BARX2: variants seen among roughly 807,000 people sequenced by gnomAD.
BARX2 encodes the protein BARX homeobox 2.
A neutral mutation model predicts 25.5 loss-of-function variants in BARX2; 11 were observed. That is an observed-to-expected ratio of 0.43 (90% CI 0.27 to 0.71). BARX2 has a LOEUF of 0.71. Ranked by LOEUF, BARX2 falls within the 30% of genes least tolerant of loss-of-function variation. The pLI is 0.19. For missense variants in BARX2, 360 were observed against 359.9 expected (o/e 1.00, Z 0.00); for synonymous variants, 137 against 149.5 (o/e 0.92, Z 0.61).
At chr11:129,406,978 C>T (rs918270796) in intron 1 of BARX2, among the ~76,000 whole-genome samples, 1 of 152,206 alleles carries the variant, frequency 6.6e-6, no homozygotes, top group African/African-American at 2.4e-5. Context: ...ATTAATAAAG[C>T]TGACAGTGGT....
chr11:129,409,435 C>T (rs1412146658), intron 1 of BARX2, among the ~76,000 whole-genome samples: 1 of 152,052 alleles, frequency 6.6e-6, no homozygotes, highest in Non-Finnish European at 1.5e-5. Context: ...CACATTCCCC[C>T]CACCCTCCAG....
At chr11:129,416,242 G>A (rs954219730) in intron 1 of BARX2, among the ~76,000 whole-genome samples, 27 of 152,180 alleles carry the variant, frequency 1.8e-4, no homozygotes, top group African/African-American at 6.0e-4. Context: ...TTTGGGAATC[G>A]TGTCGTAGAT....
Position 129,376,104 on chromosome 11 carries a change from G to A in BARX2, c.69G>A (p.Lys23=). 1 of 1,613,048 alleles carries A rather than the reference G, an allele frequency of 6.2e-7. No homozygotes were observed. The highest frequency in any genetic ancestry group is 1.1e-5 in the South Asian group (1 of 90,966). The change falls in exon 1 of 4, where the codon AAG becomes AAA. Residue 23 remains lysine, a synonymous_variant. Coordinates refer to ENST00000281437, the MANE Select transcript of BARX2 (RefSeq NM_003658.5). The surrounding 1 kb of genome is among the most constrained non-coding windows in gnomAD (Gnocchi z 4.2). ...GQLKAARRRY[K]TFMIDEILSK... is the part of the protein sequence containing the mutation. ...TCAAAGCAGCCAGGCGGCGCTACAA[G>A]ACTTTCATGATCGACGAGATCCTCT...
At chr11:129,425,372 A>C (rs1862050804) in intron 1 of BARX2, among the ~76,000 whole-genome samples, 1 of 152,196 alleles carries the variant, frequency 6.6e-6, no homozygotes, top group African/African-American at 2.4e-5. Context: ...TTTGTACTAA[A>C]CAGCAGCTGT....
chr11:129,443,371 G>T (rs1027372192), intron 3 of BARX2, among the ~76,000 whole-genome samples: 14 of 152,038 alleles, frequency 9.2e-5, no homozygotes, highest in Non-Finnish European at 7.4e-5. Context: ...CCCACCAAGA[G>T]CTAAAAATAG....
At chr11:129,427,669 G>A (rs1321749314) in intron 1 of BARX2, among the ~76,000 whole-genome samples, 1 of 152,180 alleles carries the variant, frequency 6.6e-6, no homozygotes, top group Non-Finnish European at 1.5e-5. Flanking sequence ...AAGAATAGAA[G>A]AGAAGCCCAC....
At chr11:129,375,770 C>T (rs551218593), upstream of BARX2, among the ~76,000 whole-genome samples, 6 of 152,190 alleles carry the variant, frequency 3.9e-5, no homozygotes, top group East Asian at 1.2e-3. The surrounding 1 kb of genome is among the most constrained non-coding windows in gnomAD (Gnocchi z 4.0). Context: ...AGCACACACT[C>T]CGCACCCGGC....
In BARX2 at chr11:129,436,484, G is replaced by A; in HGVS notation, c.188-267G>A. 1 of 390,702 alleles carries A rather than the reference G, an allele frequency of 2.6e-6. No individual in the cohort carries two copies. The highest frequency in any genetic ancestry group is 4.5e-6 in the Non-Finnish European group (1 of 221,392). The allele number at this position is 390,702 out of a possible 1,614,324, so 24.2% of individuals were successfully genotyped here. A position where few individuals can be genotyped will look rare whatever the true frequency, so the allele number is the denominator to read the frequency against. On this transcript the variant is annotated intron_variant, in intron 1 of 3. Transcript: ENST00000281437. The surrounding 1 kb of genome is among the most constrained non-coding windows in gnomAD (Gnocchi z 4.5). ...ATTTAGGGATTCCGAAGGGAGAGAG[G>A]GGAAAGATCTGCTTAAAACCAGAGG... is the stretch of plus-strand genomic sequence containing the variant.
At chr11:129,422,707 T>C (rs111237970) in intron 1 of BARX2, among the ~76,000 whole-genome samples, 615 of 34,336 alleles carry the variant, frequency 0.018, 3 homozygotes, top group African/African-American at 0.066. Flanking sequence ...TTTATTCTCT[T>C]TTTTTTTTTT....
At chr11:129,438,965 C>T (rs575152533) in intron 2 of BARX2, among the ~76,000 whole-genome samples, 6 of 152,072 alleles carry the variant, frequency 3.9e-5, no homozygotes, top group Middle Eastern at 6.8e-3. Context: ...CGTGTCTCGC[C>T]GGGTATGTGG....
At chr11:129,438,323 A>C (rs1862217445) in intron 2 of BARX2, 2 of 70,838 alleles carry the variant, frequency 2.8e-5, no homozygotes, top group Admixed American at 2.4e-4. Flanking sequence ...CTCAGTCTCA[A>C]AAAAAAAAAA....
intron 1 of BARX2, among the ~76,000 whole-genome samples, chr11:129,410,985 TAGAC>T (rs1173600379): frequency 6.6e-6 from 1 of 152,210 alleles, no homozygotes; most frequent in Non-Finnish European, 1.5e-5. Flanking sequence ...AGTACATTCT[TAGAC>T]AGGCTTGAAA....
chr11:129,442,644 A>C, intron 2 of BARX2, 191 bp from the exon 3 acceptor site: 1 of 635,132 alleles, frequency 1.6e-6, no homozygotes, highest in South Asian at 1.6e-5. Context: ...TCTGTTTCTC[A>C]GCTTCCCAGA....
chr11:129,408,476 C>T (rs910350472), intron 1 of BARX2, among the ~76,000 whole-genome samples: 7 of 152,302 alleles, frequency 4.6e-5, no homozygotes, highest in Middle Eastern at 3.4e-3. Flanking sequence ...CACAGTGCGT[C>T]GGTTTTGTTC....
At position 129,385,724 on chromosome 11, in the gene BARX2, G is replaced by A. The variant is rs149838522; in HGVS notation, c.187+9502G>A. Reference sequence around the variant, plus strand: ...TAATGTAAATATGGCTAAGTATTACGATGTGAAGAAACTTGGGTCATGGCT... The same window carrying A: ...TAATGTAAATATGGCTAAGTATTACAATGTGAAGAAACTTGGGTCATGGCT... On this transcript the variant is annotated intron_variant, in intron 1 of 3. Coordinates refer to ENST00000281437, the MANE Select transcript of BARX2 (RefSeq NM_003658.5). Among the ~76,000 whole-genome samples, 244 of 152,272 alleles carry A rather than the reference G, an allele frequency of 1.6e-3. 9 individuals are homozygous for A. In the East Asian group the frequency reaches 0.043, roughly 27 times the overall value.
chr11:129,381,896 T>C (rs1451466852), intron 1 of BARX2, among the ~76,000 whole-genome samples: 3 of 152,210 alleles, frequency 2.0e-5, no homozygotes, highest in Non-Finnish European at 2.9e-5. Flanking sequence ...TCCGAAGGGC[T>C]GTACAGGCAA....
At position 129,411,563 on chromosome 11, in the gene BARX2, A is replaced by G. The variant is rs138878366; in HGVS notation, c.188-25188A>G. ...AAGAAAATAGTAAGAATCGGGATGA[A>G]GCCCATGTAAAGGAAAGTTAGAGAA... On this transcript the variant is annotated intron_variant, in intron 1 of 3. Coordinates refer to ENST00000281437, the MANE Select transcript of BARX2 (RefSeq NM_003658.5). 3.3e-4 allele frequency among the ~76,000 whole-genome samples: 51 copies of G among 152,284 alleles called. No individual in the cohort carries two copies. In the East Asian group the frequency reaches 7.6e-3, roughly 23 times the overall value.
intron 1 of BARX2, among the ~76,000 whole-genome samples, chr11:129,401,618 T>G (rs1276306847): frequency 1.3e-5 from 2 of 152,150 alleles, no homozygotes; most frequent in Non-Finnish European, 2.9e-5. Flanking sequence ...TGGCCAAAGT[T>G]GTCCATAGCA....
rs1442463618 is a variant in BARX2 at position 129,442,929 on chromosome 11, G to C, written c.573+10G>C. On this transcript the variant is annotated intron_variant, in intron 3 of 3. Coordinates refer to ENST00000281437, the MANE Select transcript of BARX2 (RefSeq NM_003658.5). ...GAAATGGAAGAAAATGGTAAGAAAG[G>C]AGTGACTAACCATGATCCCTTCCTG... is the stretch of plus-strand genomic sequence containing the variant. The C allele has an allele frequency of 1.9e-6, 3 of 1,605,142 alleles. No homozygotes were observed. Among genetic ancestry groups the C allele is most frequent in the African/African-American group, 2.7e-5 (2 of 74,830 alleles).
Sources: gnomAD v4.1 joint callset for allele counts (sites outside exome capture counted in the v4.1 genomes callset) on GRCh38, gnomAD v4.1.1 for gene constraint, Gnocchi (gnomAD v3.1) non-coding constraint, MANE v1.5 for transcripts, NCBI Gene and HGNC (gene_info 2026-07-23, HGNC 2026-07-21) for gene names.